Variants in CNTNAP5 observed in about 807,000 individuals in gnomAD.
CNTNAP5 encodes contactin-associated protein-like 5.
CNTNAP5 carries 72 observed loss-of-function variants against 150.2 expected under a neutral mutation model. The observed-to-expected ratio is 0.48, with a 90% CI of 0.40 to 0.58. The LOEUF is 0.58. CNTNAP5 is among the 20% of genes least tolerant of loss of function. The pLI, the probability that CNTNAP5 is intolerant of heterozygous loss-of-function variation, is 0.00. For synonymous variants in CNTNAP5, 672 were observed against 619.8 expected (o/e 1.08, Z -1.25); for missense variants, 1,636 against 1,626.2 (o/e 1.01, Z -0.10).
intron 13 of CNTNAP5, among the ~76,000 whole-genome samples, chr2:124,655,129 T>C (rs768222150): frequency 1.3e-5 from 2 of 152,124 alleles, no homozygotes; most frequent in Non-Finnish European, 2.9e-5. Context: ...TTTGTCCTAA[T>C]GCTCTCTGTC....
At chr2:124,397,202 A>G (rs149732513) in intron 3 of CNTNAP5, among the ~76,000 whole-genome samples, 6,070 of 152,330 alleles carry the variant, frequency 0.04, 135 homozygotes, top group Non-Finnish European at 0.042. Flanking sequence ...CAGGTTGACA[A>G]TTCTAGAGCC....
At chr2:124,631,267 G>A (rs1387614439) in intron 12 of CNTNAP5, among the ~76,000 whole-genome samples, 1 of 151,932 alleles carries the variant, frequency 6.6e-6, no homozygotes, top group African/African-American at 2.4e-5. Flanking sequence ...GCATAGCCAA[G>A]ACAATCCTAA....
chr2:124,750,559 C>T (rs933261148), intron 14 of CNTNAP5, among the ~76,000 whole-genome samples: 9 of 152,124 alleles, frequency 5.9e-5, no homozygotes, highest in Non-Finnish European at 8.8e-5. Flanking sequence ...GTGTGCCAGA[C>T]GGATAGTCTG....
At chr2:124,149,376 C>T (rs1037685571) in intron 1 of CNTNAP5, among the ~76,000 whole-genome samples, 4 of 131,858 alleles carry the variant, frequency 3.0e-5, no homozygotes, top group African/African-American at 1.1e-4. Context: ...TGCTAGCATA[C>T]CATGTGTTCC....
chr2:124,098,006 C>T (rs1025246111), intron 1 of CNTNAP5, among the ~76,000 whole-genome samples: 3 of 151,752 alleles, frequency 2.0e-5, no homozygotes, highest in Non-Finnish European at 4.4e-5. Flanking sequence ...CCAGCCTGGG[C>T]GACAGAGCGA....
intron 8 of CNTNAP5, among the ~76,000 whole-genome samples, chr2:124,510,273 C>CTATATATATA (rs369953695): frequency 5.9e-5 from 2 of 33,916 alleles, no homozygotes; most frequent in Non-Finnish European, 1.3e-4. Flanking sequence ...ATCTATATAT[C>CTATATATATA]TATATCTATA....
chr2:124,295,128 C>CCAAA (rs57566535), intron 3 of CNTNAP5, among the ~76,000 whole-genome samples: 41 of 150,626 alleles, frequency 2.7e-4, no homozygotes, highest in Non-Finnish European at 3.7e-4. Flanking sequence ...ACAACCACCA[C>CCAAA]CAAACAAACA....
intron 16 of CNTNAP5, among the ~76,000 whole-genome samples, chr2:124,766,419 G>A (rs752343434): frequency 2.7e-5 from 4 of 150,294 alleles, no homozygotes; most frequent in Admixed American, 2.0e-4. Flanking sequence ...AAAAAAAAAT[G>A]ACTGGAGGAG....
chr2:124,905,130 T>G (rs999293930), intron 22 of CNTNAP5, among the ~76,000 whole-genome samples: 2 of 147,634 alleles, frequency 1.4e-5, no homozygotes, highest in Non-Finnish European at 3.0e-5. Flanking sequence ...TTTTTTGTTT[T>G]TTTTTTTTTC....
intron 10 of CNTNAP5, among the ~76,000 whole-genome samples, chr2:124,538,695 A>G (rs920352033): frequency 6.6e-6 from 1 of 152,100 alleles, no homozygotes; most frequent in African/African-American, 2.4e-5. Flanking sequence ...AGGAAGAAAG[A>G]AAGAAAGAAA....
intron 3 of CNTNAP5, among the ~76,000 whole-genome samples, chr2:124,251,364 G>A (rs1687171578): frequency 6.6e-6 from 1 of 151,708 alleles, no homozygotes; most frequent in Admixed American, 6.6e-5. Flanking sequence ...CTTGAATACT[G>A]TGGGTGATTT....
intron 3 of CNTNAP5, among the ~76,000 whole-genome samples, chr2:124,314,274 T>C (rs532379074): frequency 2.1e-4 from 32 of 152,338 alleles, no homozygotes; most frequent in African/African-American, 7.5e-4. Flanking sequence ...TTTCACAACC[T>C]GCAGTTTCCT....
intron 6 of CNTNAP5, among the ~76,000 whole-genome samples, chr2:124,462,630 G>A (rs1358933657): frequency 6.6e-6 from 1 of 152,202 alleles, no homozygotes; most frequent in African/African-American, 2.4e-5. Context: ...TGGCCAATAA[G>A]ACATTTGGAG....
intron 1 of CNTNAP5, among the ~76,000 whole-genome samples, chr2:124,081,798 G>A (rs187995982): frequency 1.3e-5 from 2 of 152,250 alleles, no homozygotes; most frequent in East Asian, 1.9e-4. Context: ...AGATTCACAC[G>A]CGGTTGTAAG....
chr2:124,397,296 G>A (rs1020392230), intron 3 of CNTNAP5, among the ~76,000 whole-genome samples: 2 of 152,188 alleles, frequency 1.3e-5, no homozygotes, highest in Non-Finnish European at 2.9e-5. Flanking sequence ...AGTTCTGGAG[G>A]TTGGGAAGTC....
At chr2:124,874,238 G>A (rs536986646) in intron 21 of CNTNAP5, among the ~76,000 whole-genome samples, 43 of 152,158 alleles carry the variant, frequency 2.8e-4, no homozygotes, top group Non-Finnish European at 5.3e-4. Flanking sequence ...CTTGGTTCTG[G>A]CCTATTGCAT....
chr2:124,157,245 T>C (rs1203786482), intron 1 of CNTNAP5, among the ~76,000 whole-genome samples: 2 of 152,194 alleles, frequency 1.3e-5, no homozygotes, highest in Non-Finnish European at 2.9e-5. Flanking sequence ...AGAGAGACCA[T>C]GAGTTTTTAT....
At chr2:124,395,826 G>A (rs1159862502) in intron 3 of CNTNAP5, among the ~76,000 whole-genome samples, 1 of 152,032 alleles carries the variant, frequency 6.6e-6, no homozygotes, top group African/African-American at 2.4e-5. Flanking sequence ...CCATCCTCTT[G>A]AGAAATGCAC....
chr2:124,324,672 A>G (rs1289970586), intron 3 of CNTNAP5, among the ~76,000 whole-genome samples: 2 of 152,172 alleles, frequency 1.3e-5, no homozygotes, highest in Admixed American at 1.3e-4. Context: ...TGCTGAAACA[A>G]TGTGGTTAGT....
Sources: allele counts gnomAD v4.1 joint callset (sites outside exome capture counted in the v4.1 genomes callset), GRCh38; gene constraint gnomAD v4.1.1; transcripts MANE v1.5; gene names NCBI Gene and HGNC (gene_info 2026-07-23, HGNC 2026-07-21).